Variants in ABI1 observed in about 807,000 individuals in gnomAD.
The protein encoded by ABI1 is Abelson interactor 1.
ABI1 carries 14 observed loss-of-function variants against 54.6 expected under a neutral mutation model. The ratio of observed to expected loss-of-function variants is 0.26; its 90% confidence interval spans 0.17 to 0.40. The LOEUF (loss-of-function observed/expected upper bound fraction) is 0.40, where lower values mean the gene tolerates loss of function less well. ABI1 is among the 10% of genes least tolerant of loss of function. The probability of loss-of-function intolerance (pLI) is 1.00; values close to 1 mark genes in which losing one functional copy is unlikely to be tolerated. For missense variants in ABI1, 443 were observed against 598.3 expected, an observed-to-expected ratio of 0.74 and a Z score of 2.71; for synonymous variants, 194 against 209.3, an observed-to-expected ratio of 0.93 and a Z score of 0.63.
intron 2 of ABI1, among the ~76,000 whole-genome samples, chr10:26,798,349 G>C (rs946649845): frequency 2.6e-5 from 4 of 152,190 alleles, no homozygotes; most frequent in Middle Eastern, 3.4e-3. Flanking sequence ...GTCCTTACAA[G>C]CCAAAGAGGG....
At chr10:26,769,104 T>C (rs558730931) in intron 5 of ABI1, 112 bp from the exon 6 acceptor site, 142 of 805,340 alleles carry the variant, frequency 1.8e-4, no homozygotes, top group Non-Finnish European at 1.8e-4. Context: ...TTTAAAAATA[T>C]ATATGACAAA....
chr10:26,769,612 C>T (rs918915839), intron 5 of ABI1, among the ~76,000 whole-genome samples: 22 of 151,942 alleles, frequency 1.4e-4, no homozygotes, highest in African/African-American at 5.1e-4. Context: ...AGAAAAACAA[C>T]CTTAAAGAAA....
At chr10:26,849,773 GA>G (rs57529914) in intron 1 of ABI1, among the ~76,000 whole-genome samples, 39,094 of 152,044 alleles carry the variant, frequency 0.26, 5,715 homozygotes, top group South Asian at 0.44. Flanking sequence ...TGCAATACTT[GA>G]AAATTCTTCT....
chr10:26,827,200 A>G lies in ABI1; in HGVS notation c.118-3895T>C, dbSNP rs376919794. 5.3e-5 allele frequency among the ~76,000 whole-genome samples: 8 copies of G among 151,234 alleles called. No homozygotes were observed. The South Asian group carries it at 1.3e-3, about 24-fold the overall frequency. ...AGTGCAAGGATTACAGGCGTGAGCC[A>G]CCGTGCCCGGCCTGGTTTGACCTTC... On this transcript the variant is annotated intron_variant, in intron 1 of 10. Transcript: ENST00000376140.
At chr10:26,775,128 A>G (rs74126842) in intron 3 of ABI1, among the ~76,000 whole-genome samples, 2 of 152,256 alleles carry the variant, frequency 1.3e-5, no homozygotes, top group Non-Finnish European at 1.5e-5. Flanking sequence ...ATTAACTACT[A>G]CCAAAATTTC....
At chr10:26,755,892 A>C in intron 8 of ABI1, 151 bp from the exon 9 acceptor site, 1 of 513,316 alleles carries the variant, frequency 1.9e-6, no homozygotes, top group East Asian at 3.1e-5. Flanking sequence ...AAAACAAAAC[A>C]AAAACCTGCA....
In ABI1 at chr10:26,858,447, G is replaced by A. The variant is rs558239737; in HGVS notation, c.117+2300C>T. ...GGTATTTAGATAATCATTGCTTTGCGTGAATTCTTTTTTTTTTTTTCCAAT... is the reference window on the plus strand; with the variant it reads ...GGTATTTAGATAATCATTGCTTTGCATGAATTCTTTTTTTTTTTTTCCAAT... On this transcript the variant is annotated intron_variant, in intron 1 of 10. Transcript: ENST00000376140. Among the ~76,000 whole-genome samples, 51 of 141,478 alleles carry A rather than the reference G, an allele frequency of 3.6e-4. 1 individual carries two copies. In the South Asian group the frequency reaches 0.012, roughly 32 times the overall value. 92.8% of individuals were successfully genotyped at this position (141,478 alleles called of 152,430 possible).
At chr10:26,809,568 A>G (rs762663310) in intron 2 of ABI1, among the ~76,000 whole-genome samples, 3 of 152,164 alleles carry the variant, frequency 2.0e-5, no homozygotes, top group Non-Finnish European at 2.9e-5. Flanking sequence ...CAAATAAATA[A>G]ATAAATAAAA....
intron 2 of ABI1, among the ~76,000 whole-genome samples, chr10:26,780,856 G>A (rs1010120580): frequency 6.6e-6 from 1 of 152,212 alleles, no homozygotes; most frequent in African/African-American, 2.4e-5. Flanking sequence ...TCTGGGTAGG[G>A]TTCAAAGTAG....
At chr10:26,840,154 C>T (rs1045137843) in intron 1 of ABI1, among the ~76,000 whole-genome samples, 2 of 152,022 alleles carry the variant, frequency 1.3e-5, no homozygotes, top group Non-Finnish European at 2.9e-5. Context: ...GAGGTGGATC[C>T]TAATGGGAGG....
intron 2 of ABI1, among the ~76,000 whole-genome samples, chr10:26,818,158 CAAAAAAAAAAAAAAAAAAAAAAAAAA>C (rs397696005): frequency 2.2e-5 from 1 of 45,426 alleles, no homozygotes; most frequent in Non-Finnish European, 4.2e-5. Flanking sequence ...GACTCCATCT[CAAAAAAAAAAAAAAAAAAAAAAAAAA>C]AAAAAAAAAA....
intron 6 of ABI1, 74 bp from the exon 7 acceptor site, chr10:26,765,392 G>C: frequency 9.6e-7 from 1 of 1,041,372 alleles, no homozygotes; most frequent in East Asian, 2.6e-5. Flanking sequence ...ATCACCCAAG[G>C]CCACTAAATA....
chr10:26,794,069 G>A (rs952670435), intron 2 of ABI1, among the ~76,000 whole-genome samples: 3 of 151,796 alleles, frequency 2.0e-5, no homozygotes, highest in Admixed American at 6.6e-5. Flanking sequence ...ATGGTGAAAC[G>A]CCATCTCTAC....
At chr10:26,833,039 T>A (rs756705235) in intron 1 of ABI1, among the ~76,000 whole-genome samples, 7 of 152,330 alleles carry the variant, frequency 4.6e-5, no homozygotes, top group Non-Finnish European at 1.0e-4. Flanking sequence ...ATTTTTTGCA[T>A]GACAATTCAG....
intron 3 of ABI1, among the ~76,000 whole-genome samples, chr10:26,771,771 T>C (rs1176143115): frequency 6.6e-6 from 1 of 152,166 alleles, no homozygotes; most frequent in Non-Finnish European, 1.5e-5. Flanking sequence ...AAGTTCTAAG[T>C]AGCTTTAGTT....
chr10:26,781,851 G>T (rs866396411), intron 2 of ABI1, among the ~76,000 whole-genome samples: 1 of 152,146 alleles, frequency 6.6e-6, no homozygotes, highest in East Asian at 1.9e-4. Context: ...CAAGCTGCAC[G>T]GTTAAGACTG....
At chr10:26,777,507 T>C (rs1841560590) in intron 2 of ABI1, among the ~76,000 whole-genome samples, 1 of 152,168 alleles carries the variant, frequency 6.6e-6, no homozygotes. Context: ...GGGCCGGGCA[T>C]GGTGGCTCAT....
rs1227814853 is a variant in ABI1, at chr10:26,860,194, C to T, written c.117+553G>A. Among the ~76,000 whole-genome samples the T allele has an allele frequency of 2.0e-5, 3 of 152,168 alleles. No homozygotes were observed. The highest frequency in any genetic ancestry group is 2.1e-4 in the South Asian group (1 of 4,820). On this transcript the variant is annotated intron_variant, in intron 1 of 10. Transcript: ENST00000376140. This position sits in a 1 kb window ranked among gnomAD's most constrained non-coding sequence, Gnocchi z 4.1. ...ATAAATAAATAAATAAAAGACACAC[C>T]CTCTGGGGGCTGAAACTGACATAAT...
chr10:26,848,421 A>C (rs1564581610), intron 1 of ABI1, among the ~76,000 whole-genome samples: 2 of 152,096 alleles, frequency 1.3e-5, no homozygotes, highest in Admixed American at 6.6e-5. Flanking sequence ...CCTATGAATC[A>C]AATAAATTCA....
Sources: allele counts gnomAD v4.1 joint callset (sites outside exome capture counted in the v4.1 genomes callset), GRCh38; gene constraint gnomAD v4.1.1; non-coding constraint Gnocchi (gnomAD v3.1); transcripts MANE v1.5; gene names NCBI Gene and HGNC (gene_info 2026-07-23, HGNC 2026-07-21).